Variants in NANS observed in about 807,000 individuals in gnomAD.
The protein encoded by NANS is N-acetylneuraminate-9-phosphate synthase.
NANS carries 29 observed loss-of-function variants against 33.3 expected under a neutral mutation model. That is an observed-to-expected ratio of 0.87 (90% CI 0.65 to 1.19). NANS has a LOEUF of 1.19. NANS is among the 50% of genes most tolerant of loss of function. NANS has a pLI of 0.00. For missense variants in NANS, 394 were observed against 461.1 expected (o/e 0.85, Z 1.33); for synonymous variants, 163 against 177.2 (o/e 0.92, Z 0.64).
intron 3 of NANS, 47 bp downstream of exon 3, chr9:98,077,064 C>A: frequency 7.3e-7 from 1 of 1,372,712 alleles, no homozygotes; most frequent in Non-Finnish European, 1.0e-6. Context: ...TCCAAACCTT[C>A]ATATTTTTAC....
rs200152488 is a variant in NANS, at chr9:98,080,983, A to G, written c.771A>G (p.Gly257=). Residue 257 remains glycine (G), a synonymous_variant, in exon 5 of 6, where the codon GGA becomes GGG. Transcript: ENST00000210444. The part of the protein sequence containing the change: ...GSDHSASLEP[G]ELAELVRSVR... ...ACCACTCGGCCTCGCTGGAGCCTGGAGAACTGGCCGAGCTGGTGCGGTCAG... is the reference window on the plus strand; with the variant it reads ...ACCACTCGGCCTCGCTGGAGCCTGGGGAACTGGCCGAGCTGGTGCGGTCAG... 71 of 1,614,188 alleles carry G rather than the reference A, an allele frequency of 4.4e-5. No individual in the cohort carries two copies. In the Middle Eastern group the frequency reaches 6.6e-4, roughly 15 times the overall value.
intron 4 of NANS, among the ~76,000 whole-genome samples, chr9:98,079,902 C>T (rs1829776140): frequency 6.6e-6 from 1 of 152,178 alleles, no homozygotes; most frequent in Admixed American, 6.6e-5. Context: ...GCCACCTAAC[C>T]CTCCTAATCT....
Position 98,056,955 on chromosome 9 carries a change from C to T in NANS, c.132+15C>T, listed in dbSNP as rs761026389. The stretch of plus-strand genomic sequence containing the variant: ...GCATGGCCAAGGTGAGGCGGCAGCT[C>T]CCGGGACCCGGGATTCGGGCGCCGG... On this transcript the variant is annotated intron_variant, in intron 1 of 5. Coordinates refer to ENST00000210444, the MANE Select transcript of NANS (RefSeq NM_018946.4). 6.4e-7 allele frequency: 1 copy of T among 1,562,922 alleles called. No individual in the cohort carries two copies. Among genetic ancestry groups the T allele is most frequent in the South Asian group, 1.2e-5 (1 of 85,702 alleles).
intron 2 of NANS, among the ~76,000 whole-genome samples, chr9:98,071,911 C>T (rs1055940119): frequency 1.3e-5 from 2 of 152,204 alleles, no homozygotes; most frequent in East Asian, 1.9e-4. Flanking sequence ...GCTGCCAAGG[C>T]GGAGTCACTT....
Position 98,078,311 on chromosome 9 carries a change from G to A in NANS, c.567G>A (p.Pro189=), listed in dbSNP as rs372198557. 6.9e-5 allele frequency: 111 copies of A among 1,613,776 alleles called. No individual in the cohort carries two copies. Among genetic ancestry groups the A allele is most frequent in the African/African-American group, 4.0e-4 (30 of 74,866 alleles). The change falls in exon 4 of 6, where the codon CCG becomes CCA. Residue 189 remains proline, a synonymous_variant. Transcript: ENST00000210444. The part of the protein sequence containing the change: ...FCFLQCTSAY[P]LQPEDVNLRV... ...TCTTGCAGTGTACCAGCGCATACCC[G>A]CTCCAGCCTGAGGACGTCAACCTGC... is the stretch of plus-strand genomic sequence containing the variant.
chr9:98,061,132 G>A (rs1399821535), intron 2 of NANS, 135 bp downstream of exon 2: 1 of 792,396 alleles, frequency 1.3e-6, no homozygotes, highest in African/African-American at 1.7e-5. Context: ...GAGGCTAGCA[G>A]GCGCCAAAGC....
intron 1 of NANS, among the ~76,000 whole-genome samples, chr9:98,059,171 CCACCACCA>C (rs1828905042): frequency 6.6e-6 from 1 of 151,650 alleles, no homozygotes; most frequent in Non-Finnish European, 1.5e-5. Context: ...TTACAGGTGC[CCACCACCA>C]CACCTAGCTA....
chr9:98,079,305 C>G (rs1282464224), intron 4 of NANS, among the ~76,000 whole-genome samples: 1 of 152,150 alleles, frequency 6.6e-6, no homozygotes, highest in Admixed American at 6.5e-5. Context: ...ATGTAATTAT[C>G]ATTAAAACTA....
Position 98,060,814 on chromosome 9 carries a change from G to C in NANS, c.165G>C (p.Lys55Asn). 1 of 1,614,206 alleles carries C rather than the reference G, an allele frequency of 6.2e-7. No homozygotes were observed. Among genetic ancestry groups the C allele is most frequent in the Non-Finnish European group, 8.5e-7 (1 of 1,180,030 alleles). ...ECGADCAKFQ[K>N]SELEFKFNRK... ...GGGCTGATTGTGCTAAGTTCCAGAA[G>C]AGTGAGCTAGAATTCAAGTTTAATC... The change falls in exon 2 of 6, where the codon AAG becomes AAC. Residue 55 changes from lysine (K) to asparagine (N), a missense_variant. Lys to Asn is a moderately conservative substitution (Grantham distance 94). Coordinates refer to ENST00000210444, the MANE Select transcript of NANS (RefSeq NM_018946.4).
At chr9:98,061,303 C>A (rs577492981) in intron 2 of NANS, 1 of 304,124 alleles carries the variant, frequency 3.3e-6, no homozygotes, top group Non-Finnish European at 6.4e-6. Flanking sequence ...ATGGTGAAAC[C>A]CCATCTCTAC....
At chr9:98,062,975 C>T (rs1422334204) in intron 2 of NANS, among the ~76,000 whole-genome samples, 1 of 151,958 alleles carries the variant, frequency 6.6e-6, no homozygotes, top group Non-Finnish European at 1.5e-5. Context: ...CTCACTCTGT[C>T]ACCCAGGCTG....
intron 2 of NANS, among the ~76,000 whole-genome samples, chr9:98,074,473 G>A (rs1829491285): frequency 1.3e-5 from 2 of 152,186 alleles, no homozygotes; most frequent in African/African-American, 4.8e-5. Flanking sequence ...TAGGCACAGC[G>A]ATACTGTCTT....
intron 2 of NANS, chr9:98,075,198 C>T (rs546277264): frequency 6.6e-6 from 1 of 152,128 alleles, no homozygotes; most frequent in Non-Finnish European, 1.5e-5. Flanking sequence ...GCTTGTGGTC[C>T]CAGCTACTTG....
rs1457543189 is a variant in NANS, at chr9:98,077,945, T to A, written c.449-248T>A. 3 of 527,316 alleles carry A rather than the reference T, an allele frequency of 5.7e-6. No individual in the cohort carries two copies. The African/African-American group carries it at 5.7e-5, about 10-fold the overall frequency. The allele number at this position is 527,316 out of a possible 1,614,324, so 32.7% of individuals were successfully genotyped here. On this transcript the variant is annotated intron_variant, in intron 3 of 5. Coordinates refer to ENST00000210444, the MANE Select transcript of NANS (RefSeq NM_018946.4). ...TTTCCTCTTGGCAGTGTGAAATTCC[T>A]CTGCCTCTTTAATTCAGTTCCTTTT... is the stretch of plus-strand genomic sequence containing the variant.
intron 1 of NANS, among the ~76,000 whole-genome samples, chr9:98,057,255 G>C (rs1290654193): frequency 6.6e-6 from 1 of 152,186 alleles, no homozygotes; most frequent in Non-Finnish European, 1.5e-5. Flanking sequence ...GCTCCCTCCT[G>C]CCCGCGGGTA....
chr9:98,072,714 G>C (rs182011711), intron 2 of NANS, among the ~76,000 whole-genome samples: 1 of 152,232 alleles, frequency 6.6e-6, no homozygotes, highest in African/African-American at 2.4e-5. Flanking sequence ...CGGCAGGAAA[G>C]TGCATTCTTT....
chr9:98,059,523 T>TC (rs1289200500), intron 1 of NANS, among the ~76,000 whole-genome samples: 6 of 152,080 alleles, frequency 3.9e-5, no homozygotes, highest in Admixed American at 3.9e-4. Flanking sequence ...CAAGCGATCC[T>TC]CCCCCCTCAG....
chr9:98,081,369 A>C, intron 5 of NANS: 2 of 420,836 alleles, frequency 4.8e-6, no homozygotes, highest in East Asian at 4.7e-5. Context: ...TGGCCCCAGT[A>C]CTCCTAGACT....
At position 98,056,852 on chromosome 9, in the gene NANS, G is replaced by C; in HGVS notation, c.44G>C (p.Gly15Ala). ...LELCPGRWVG[G>A]QHPCFIIAEI... Reference sequence around the variant, plus strand: ...CTGTGTCCCGGGCGCTGGGTGGGCGGGCAACACCCGTGCTTCATCATTGCC... The same window carrying C: ...CTGTGTCCCGGGCGCTGGGTGGGCGCGCAACACCCGTGCTTCATCATTGCC... The change falls in exon 1 of 6, where the codon GGG becomes GCG. Residue 15 changes from glycine to alanine, a missense_variant. Gly to Ala is a moderately conservative substitution (Grantham distance 60). Transcript: ENST00000210444. 1 of 1,612,236 alleles carries C rather than the reference G, an allele frequency of 6.2e-7. No homozygotes were observed. Among genetic ancestry groups the C allele is most frequent in the South Asian group, 1.1e-5 (1 of 90,986 alleles).
Sources: gnomAD v4.1 joint callset for allele counts (sites outside exome capture counted in the v4.1 genomes callset) on GRCh38, gnomAD v4.1.1 for gene constraint, MANE v1.5 for transcripts, NCBI Gene and HGNC (gene_info 2026-07-23, HGNC 2026-07-21) for gene names.